Variants in PRRG2 observed in about 807,000 individuals in gnomAD.
PRRG2 encodes proline rich and Gla domain 2, also known as transmembrane gamma-carboxyglutamic acid protein 2.
In PRRG2, 23 loss-of-function variants were observed where a neutral mutation model predicts 27.1. That is an observed-to-expected ratio of 0.85 (90% CI 0.61 to 1.20). The LOEUF is 1.20. Ranked by LOEUF, PRRG2 falls within the 50% of genes most tolerant of loss-of-function variation. The probability of loss-of-function intolerance (pLI) is 0.00; values close to 1 mark genes in which losing one functional copy is unlikely to be tolerated. For missense variants in PRRG2, 276 were observed against 254.8 expected (o/e 1.08, Z -0.57); for synonymous variants, 104 against 103.4 (o/e 1.01, Z -0.03).
At chr19:49,583,186 C>G in intron 1 of PRRG2, 21 bp from the exon 2 acceptor site, 2 of 1,596,498 alleles carry the variant, frequency 1.3e-6, no homozygotes, top group Non-Finnish European at 1.7e-6. Context: ...CCCTTGTCAG[C>G]TGTAACAAAC....
intron 6 of PRRG2, 86 bp from the exon 7 acceptor site, chr19:49,590,285 G>C (rs1023665158): frequency 1.9e-6 from 3 of 1,596,046 alleles, no homozygotes; most frequent in Non-Finnish European, 1.7e-6. Context: ...TGGCTGAGAC[G>C]CCAAGGGCGG....
At chr19:49,580,957 C>T (rs76387200), upstream of PRRG2, among the ~76,000 whole-genome samples, 3,181 of 152,280 alleles carry the variant, frequency 0.021, 106 homozygotes, top group African/African-American at 0.071. Context: ...TCCCATTTTA[C>T]AGACAGAGCC....
At chr19:49,586,470 G>A (rs950185239) in intron 4 of PRRG2, among the ~76,000 whole-genome samples, 4 of 150,192 alleles carry the variant, frequency 2.7e-5, no homozygotes, top group Non-Finnish European at 4.4e-5. Flanking sequence ...CTGTAGCCTT[G>A]ACCTCCTTGG....
intron 4 of PRRG2, among the ~76,000 whole-genome samples, chr19:49,586,387 A>ATT (rs34299965): frequency 1.5e-5 from 2 of 137,714 alleles, no homozygotes; most frequent in African/African-American, 2.6e-5. Flanking sequence ...AAGCCCGGCC[A>ATT]TTTTTTTTTT....
At chr19:49,586,552 A>T (rs2080671474) in intron 4 of PRRG2, among the ~76,000 whole-genome samples, 1 of 151,914 alleles carries the variant, frequency 6.6e-6, no homozygotes. Context: ...ACACCCAGCT[A>T]TTAAAAACAT....
At chr19:49,582,240 A>T (rs1381304413) in intron 1 of PRRG2, among the ~76,000 whole-genome samples, 7 of 57,360 alleles carry the variant, frequency 1.2e-4, no homozygotes, top group Non-Finnish European at 2.1e-4. Context: ...GACTCTGTCT[A>T]AAAAAAAAAA....
intron 4 of PRRG2, among the ~76,000 whole-genome samples, chr19:49,586,254 A>AT (rs1325989719): frequency 1.3e-5 from 2 of 151,228 alleles, no homozygotes; most frequent in Non-Finnish European, 3.0e-5. Context: ...GATACTTAAA[A>AT]TTTTTTTTGT....
At chr19:49,580,673 C>T (rs2080615540), upstream of PRRG2, 1 of 152,196 alleles carries the variant, frequency 6.6e-6, no homozygotes, top group African/African-American at 2.4e-5. Flanking sequence ...CTGGCTTGCT[C>T]AAGTCCTCTC....
intron 2 of PRRG2, 104 bp downstream of exon 2, chr19:49,583,408 C>CT (rs756904765): frequency 1.9e-5 from 28 of 1,512,972 alleles, no homozygotes; most frequent in Non-Finnish European, 2.4e-5. Context: ...GACCCAGCCC[C>CT]TTCCTCCTTC....
chr19:49,586,067 G>A (rs1381647070), intron 4 of PRRG2, among the ~76,000 whole-genome samples: 1 of 103,624 alleles, frequency 9.7e-6, no homozygotes, highest in East Asian at 2.9e-4. Flanking sequence ...GCAACAGAGT[G>A]TCTCCAAAAA....
chr19:49,583,272 T>C lies in PRRG2; in HGVS notation c.53T>C (p.Leu18Pro). Residue 18 changes from leucine to proline, a missense_variant, in exon 2 of 7, where the codon CTG (leucine) becomes CCG (proline). Coordinates refer to ENST00000246794, the MANE Select transcript of PRRG2 (RefSeq NM_000951.3). The stretch of plus-strand genomic sequence containing the variant: ...CTATATATGGCATTAACCACCTGCC[T>C]GGATACTTCACCCAGTGAGGAGACA... Reference protein sequence around the residue: ...LLLYMALTTCLDTSPSEETDQ... With the variant: ...LLLYMALTTCPDTSPSEETDQ... 1 of 1,614,190 alleles carries C rather than the reference T, an allele frequency of 6.2e-7. No homozygotes were observed. Among genetic ancestry groups the C allele is most frequent in the South Asian group, 1.1e-5 (1 of 91,086 alleles).
At chr19:49,589,632 T>C (rs1408319992) in intron 5 of PRRG2, among the ~76,000 whole-genome samples, 2 of 151,766 alleles carry the variant, frequency 1.3e-5, no homozygotes, top group Non-Finnish European at 2.9e-5. Context: ...TGCCTGTATC[T>C]GGTGCACATG....
At chr19:49,588,710 A>C in intron 5 of PRRG2, 78 bp downstream of exon 5, 1 of 1,441,206 alleles carries the variant, frequency 6.9e-7, no homozygotes, top group Non-Finnish European at 9.1e-7. Context: ...GGGATGTGCT[A>C]AGGATTGGGG....
Position 49,590,553 on chromosome 19 carries a change from C to A in PRRG2, c.*164C>A. On this transcript the variant is annotated 3_prime_UTR_variant, in exon 7 of 7. Transcript: ENST00000246794. Reference sequence around the variant, plus strand: ...TGCCCTGGCACACGCGTTTCCGCCGCGTATGGATATACACATGTTTTCGGC... The same window carrying A: ...TGCCCTGGCACACGCGTTTCCGCCGAGTATGGATATACACATGTTTTCGGC... 2.1e-6 allele frequency: 2 copies of A among 945,884 alleles called. No individual in the cohort carries two copies. The highest frequency in any genetic ancestry group is 3.3e-6 in the Non-Finnish European group (2 of 614,292). 58.6% of individuals were successfully genotyped at this position (945,884 alleles called of 1,614,324 possible).
chr19:49,590,186 GCC>G, intron 6 of PRRG2, 134 bp downstream of exon 6: 2 of 1,404,744 alleles, frequency 1.4e-6, no homozygotes, highest in Non-Finnish European at 1.9e-6. Flanking sequence ...CGGGGGCGGG[GCC>G]CCATGCAATG....
In PRRG2 at chr19:49,583,607, A is replaced by C. The variant is rs765932870; in HGVS notation, c.151A>C (p.Asn51His). ...LSSHTRIPRA[N>H]HWDLELLTPG... ...TAGCCATACCCGGATTCCAAGAGCC[A>C]ACCACTGGGACCTGGAGCTGCTCAC... Residue 51 changes from asparagine to histidine, a missense_variant, in exon 3 of 7, where the codon AAC (asparagine) becomes CAC (histidine). Transcript: ENST00000246794. 1 of 1,614,216 alleles carries C rather than the reference A, an allele frequency of 6.2e-7. No individual in the cohort carries two copies. Among genetic ancestry groups the C allele is most frequent in the South Asian group, 1.1e-5 (1 of 91,082 alleles).
At chr19:49,583,445 C>T in intron 2 of PRRG2, 97 bp from the exon 3 acceptor site, 1 of 1,523,324 alleles carries the variant, frequency 6.6e-7, no homozygotes, top group Non-Finnish European at 9.0e-7. Context: ...ATTCCCAGCC[C>T]CTGCTCCTTC....
Position 49,583,686 on chromosome 19 carries a change from C to T in PRRG2, c.230C>T (p.Ala77Val). Residue 77 changes from alanine (A) to valine (V), a missense_variant, in exon 3 of 7, where the codon GCC (alanine) becomes GTC (valine). By Grantham distance (64) the Ala-to-Val change is moderately conservative (BLOSUM62 0). Transcript: ENST00000246794. ...GAAGAGAGGTGTTCCTGGGAAGAGG[C>T]CAGGGAGTATTTTGAGGACAACACT... ...CLEERCSWEE[A>V]REYFEDNTLT... 6.2e-7 allele frequency: 1 copy of T among 1,614,056 alleles called. No individual in the cohort carries two copies. The highest frequency in any genetic ancestry group is 2.2e-5 in the East Asian group (1 of 44,890).
rs2080622495 is a variant in PRRG2, at chr19:49,581,452, G to C, written c.-43G>C. The stretch of plus-strand genomic sequence containing the variant: ...TGGCCAAGGAGTTCTCGATTAAAGA[G>C]GAAGGGGCAGTGCTCACATTTCTGG... On this transcript the variant is annotated 5_prime_UTR_variant, in exon 1 of 7. Coordinates refer to ENST00000246794, the MANE Select transcript of PRRG2 (RefSeq NM_000951.3). 1.3e-5 allele frequency: 2 copies of C among 152,224 alleles called. No homozygotes were observed. Among genetic ancestry groups the C allele is most frequent in the Non-Finnish European group, 2.9e-5 (2 of 68,104 alleles). 9.4% of individuals were successfully genotyped at this position (152,224 alleles called of 1,614,324 possible). A position where few individuals can be genotyped will look rare whatever the true frequency, so the allele number is the denominator to read the frequency against.
Sources: allele counts gnomAD v4.1 joint callset (sites outside exome capture counted in the v4.1 genomes callset), GRCh38; gene constraint gnomAD v4.1.1; transcripts MANE v1.5; gene names NCBI Gene and HGNC (gene_info 2026-07-23, HGNC 2026-07-21).